Variants in POLI observed in about 807,000 individuals in gnomAD.
The protein encoded by POLI is RAD30 homolog B.
A neutral mutation model predicts 51.6 loss-of-function variants in POLI; 58 were observed. That is an observed-to-expected ratio of 1.12 (90% CI 0.91 to 1.40). POLI has a LOEUF of 1.40. POLI is among the 40% of genes most tolerant of loss of function. POLI has a pLI of 0.00. For missense variants in POLI, 921 were observed against 871.3 expected (o/e 1.06, Z -0.72); for synonymous variants, 322 against 299.7 (o/e 1.07, Z -0.77).
chr18:54,311,781 A>C (rs944665661), intron 3 of POLI, among the ~76,000 whole-genome samples: 1 of 152,226 alleles, frequency 6.6e-6, no homozygotes. Flanking sequence ...GTGGCCGAAT[A>C]ATCAAATAAC....
intron 9 of POLI, among the ~76,000 whole-genome samples, 196 bp from the exon 10 acceptor site, chr18:54,293,453 A>G (rs1459939183): frequency 6.7e-6 from 1 of 149,876 alleles, no homozygotes; most frequent in Admixed American, 6.6e-5. Flanking sequence ...TCTTCCTGGA[A>G]TAGTGGGTAG....
At chr18:54,283,448 G>A (rs1324178603) in intron 6 of POLI, among the ~76,000 whole-genome samples, 2 of 152,078 alleles carry the variant, frequency 1.3e-5, no homozygotes, top group African/African-American at 4.8e-5. Flanking sequence ...TCACAACAAA[G>A]CATCAAGGTA....
chr18:54,295,528 G>A lies in POLI; in HGVS notation c.*1061G>A. On this transcript the variant is annotated 3_prime_UTR_variant, in exon 10 of 10. Coordinates refer to ENST00000579534, the MANE Select transcript of POLI (RefSeq NM_007195.3). ...TCCTGGTCTCAAGTTTATAATTTTT[G>A]CACATATAATCTAAAGAAGAGACTT... 1 of 891,756 alleles carries A rather than the reference G, an allele frequency of 1.1e-6. No individual in the cohort carries two copies. The highest frequency in any genetic ancestry group is 1.3e-6 in the Non-Finnish European group (1 of 744,878). The allele number at this position is 891,756 out of a possible 1,614,324, so 55.2% of individuals were successfully genotyped here. A position where few individuals can be genotyped will look rare whatever the true frequency, so the allele number is the denominator to read the frequency against.
downstream of POLI, among the ~76,000 whole-genome samples, chr18:54,302,966 C>T (rs1018874128): frequency 6.6e-6 from 1 of 152,342 alleles, no homozygotes; most frequent in African/African-American, 2.4e-5. Context: ...TTTTCACCCA[C>T]TTCTCCTTAC....
intron 8 of POLI, 117 bp from the exon 9 acceptor site, chr18:54,291,716 A>G (rs943001988): frequency 1.8e-6 from 1 of 561,150 alleles, no homozygotes. Context: ...TTAATTTGGT[A>G]TATAATGTCA....
intron 4 of POLI, among the ~76,000 whole-genome samples, chr18:54,278,320 C>G (rs919565916): frequency 1.3e-5 from 2 of 151,370 alleles, no homozygotes; most frequent in African/African-American, 4.9e-5. Context: ...AGCCATACCT[C>G]TGTAGGTCAT....
Position 54,282,906 on chromosome 18 carries a change from T to A in POLI, c.866T>A (p.Phe289Tyr), listed in dbSNP as rs1336866899. ...AATAGTGTGCGTGATCTCCAAACCTTTTCACCCAAAATTTTAGAAAAAGAA... is the reference window on the plus strand; with the variant it reads ...AATAGTGTGCGTGATCTCCAAACCTATTCACCCAAAATTTTAGAAAAAGAA... Reference protein sequence around the residue: ...GINSVRDLQTFSPKILEKELG... With the variant: ...GINSVRDLQTYSPKILEKELG... The change falls in exon 6 of 10, where the codon TTT (phenylalanine) becomes TAT (tyrosine). Residue 289 changes from phenylalanine (F) to tyrosine (Y), a missense_variant. Coordinates refer to ENST00000579534, the MANE Select transcript of POLI (RefSeq NM_007195.3). The A allele has an allele frequency of 1.9e-6, 3 of 1,594,400 alleles. No homozygotes were observed. The highest frequency in any genetic ancestry group is 2.6e-6 in the Non-Finnish European group (3 of 1,169,400).
chr18:54,290,042 A>G (rs1043617581), intron 8 of POLI, among the ~76,000 whole-genome samples: 1 of 152,228 alleles, frequency 6.6e-6, no homozygotes, highest in Admixed American at 6.5e-5. Context: ...TGAACAGGCA[A>G]CCTACAGAAT....
chr18:54,280,643 G>C (rs766024075), intron 4 of POLI, 24 bp from the exon 5 acceptor site: 2 of 1,469,722 alleles, frequency 1.4e-6, no homozygotes, highest in African/African-American at 2.8e-5. Context: ...TTGTGACTTT[G>C]AATGACATTT....
chr18:54,295,447 C>A lies in POLI; in HGVS notation c.*980C>A. On this transcript the variant is annotated 3_prime_UTR_variant, in exon 10 of 10. Transcript: ENST00000579534. ...AGAATGTATTATATAATTTGCAAGA[C>A]ATAGAGGATGTTTATAGAATATACT... is the stretch of plus-strand genomic sequence containing the variant. 1 of 971,306 alleles carries A rather than the reference C, an allele frequency of 1.0e-6. No individual in the cohort carries two copies. Among genetic ancestry groups the A allele is most frequent in the Non-Finnish European group, 1.2e-6 (1 of 817,114 alleles). The allele number at this position is 971,306 out of a possible 1,614,324, so 60.2% of individuals were successfully genotyped here. A position where few individuals can be genotyped will look rare whatever the true frequency, so the allele number is the denominator to read the frequency against.
At chr18:54,283,517 TTCTC>T (rs946414961) in intron 6 of POLI, among the ~76,000 whole-genome samples, 1 of 151,928 alleles carries the variant, frequency 6.6e-6, no homozygotes, top group Non-Finnish European at 1.5e-5. Flanking sequence ...CTTCCTTCCA[TTCTC>T]TCTCTCTCAA....
intron 9 of POLI, among the ~76,000 whole-genome samples, chr18:54,292,442 A>G (rs756992355): frequency 2.6e-4 from 40 of 151,998 alleles, no homozygotes; most frequent in Non-Finnish European, 1.6e-4. Flanking sequence ...AAGTATTTAC[A>G]TTTTCTTCAT....
At chr18:54,278,014 T>C (rs2087328342) in intron 4 of POLI, among the ~76,000 whole-genome samples, 159 bp downstream of exon 4, 1 of 152,228 alleles carries the variant, frequency 6.6e-6, no homozygotes, top group Non-Finnish European at 1.5e-5. Flanking sequence ...AATTAGGTGC[T>C]GCTATTCCAT....
Position 54,294,154 on chromosome 18 carries a change from G to A in POLI, c.1910G>A (p.Gly637Glu). 6.2e-7 allele frequency: 1 copy of A among 1,611,552 alleles called. No individual in the cohort carries two copies. Among genetic ancestry groups the A allele is most frequent in the Non-Finnish European group, 8.5e-7 (1 of 1,178,022 alleles). ...NRLKDERISQ[G>E]PKEPQGFHFT... ...TTAAAAGATGAACGAATAAGTCAAG[G>A]ACCTAAAGAACCTCAAGGATTCCAC... Residue 637 changes from glycine to glutamate, a missense_variant, in exon 10 of 10, where the codon GGA becomes GAA. Transcript: ENST00000579534.
At chr18:54,286,112 C>T (rs1482017563) in intron 7 of POLI, among the ~76,000 whole-genome samples, 1 of 152,178 alleles carries the variant, frequency 6.6e-6, no homozygotes, top group African/African-American at 2.4e-5. Flanking sequence ...GATCCTCCCA[C>T]CTCAACTTCC....
At chr18:54,289,876 T>C (rs2144572288) in intron 8 of POLI, among the ~76,000 whole-genome samples, 1 of 152,264 alleles carries the variant, frequency 6.6e-6, no homozygotes, top group Non-Finnish European at 1.5e-5. Flanking sequence ...ATAAAAACCC[T>C]AGAAGAAAAC....
chr18:54,274,345 G>A (rs2087144362), intron 3 of POLI, among the ~76,000 whole-genome samples: 1 of 151,998 alleles, frequency 6.6e-6, no homozygotes, highest in East Asian at 1.9e-4. Flanking sequence ...GGGAAAAGTG[G>A]AAAACAAAGT....
chr18:54,309,481 G>A (rs867048645), intron 3 of POLI, among the ~76,000 whole-genome samples: 3 of 152,152 alleles, frequency 2.0e-5, no homozygotes, highest in South Asian at 2.1e-4. Context: ...AGGGGCACCC[G>A]GCTGTATGAG....
chr18:54,280,204 A>G (rs2087434340), intron 4 of POLI, among the ~76,000 whole-genome samples: 1 of 152,202 alleles, frequency 6.6e-6, no homozygotes, highest in South Asian at 2.1e-4. Context: ...TATTTGGTTC[A>G]TGATTCTTGT....
Sources: gnomAD v4.1 joint callset for allele counts (sites outside exome capture counted in the v4.1 genomes callset) on GRCh38, gnomAD v4.1.1 for gene constraint, MANE v1.5 for transcripts, NCBI Gene and HGNC (gene_info 2026-07-23, HGNC 2026-07-21) for gene names.